Variants in GRM7 observed in about 807,000 individuals in gnomAD.
The protein encoded by GRM7 is glutamate metabotropic receptor 7.
In GRM7, 35 loss-of-function variants were observed where a neutral mutation model predicts 84.5. That is an observed-to-expected ratio of 0.41 (90% CI 0.32 to 0.55). GRM7 has a LOEUF of 0.55. Ranked by LOEUF, GRM7 falls within the 20% of genes least tolerant of loss-of-function variation. The probability of loss-of-function intolerance (pLI) is 0.19; values close to 1 mark genes in which losing one functional copy is unlikely to be tolerated. For synonymous variants in GRM7, 487 were observed against 455.1 expected, an observed-to-expected ratio of 1.07 and a Z score of -0.89; for missense variants, 1,003 against 1,194.6, an observed-to-expected ratio of 0.84 and a Z score of 2.36.
In GRM7 at chr3:7,729,792, G is replaced by A. The variant is rs543079707; in HGVS notation, c.2699-10565G>A. On this transcript the variant is annotated intron_variant, in intron 9 of 9. Transcript: ENST00000357716. ...GCAATCTCGGCTCACTGCAACCTCC[G>A]CCTCCTGGGTTCAAGGGATTCTCCT... Among the ~76,000 whole-genome samples the A allele has an allele frequency of 7.3e-4, 110 of 150,706 alleles. 1 individual carries two copies. Among genetic ancestry groups the A allele is most frequent in the Middle Eastern group, 3.5e-3 (1 of 286 alleles).
At chr3:7,099,039 T>C (rs112279764) in intron 1 of GRM7, among the ~76,000 whole-genome samples, 8 of 151,828 alleles carry the variant, frequency 5.3e-5, no homozygotes, top group African/African-American at 1.9e-4. Context: ...CTAAGTTCCT[T>C]AAAGCCAAGA....
chr3:6,954,670 T>C (rs1180609702), intron 1 of GRM7, among the ~76,000 whole-genome samples: 1 of 152,242 alleles, frequency 6.6e-6, no homozygotes, highest in Non-Finnish European at 1.5e-5. Flanking sequence ...CCAGGTCTAT[T>C]ACTTACTATC....
intron 1 of GRM7, among the ~76,000 whole-genome samples, chr3:7,081,196 A>G (rs369338440): frequency 6.6e-6 from 1 of 152,138 alleles, no homozygotes; most frequent in East Asian, 1.9e-4. Context: ...ACTGTTTTTT[A>G]TAAATTGAAG....
intron 1 of GRM7, among the ~76,000 whole-genome samples, chr3:7,144,711 G>C (rs1374677453): frequency 6.6e-6 from 1 of 152,170 alleles, no homozygotes; most frequent in African/African-American, 2.4e-5. Context: ...AAGTGAAATA[G>C]CTTCATCAAA....
chr3:7,487,569 C>G (rs114132129), intron 7 of GRM7, among the ~76,000 whole-genome samples: 2,166 of 152,306 alleles, frequency 0.014, 26 homozygotes, highest in African/African-American at 0.035. Flanking sequence ...AGTCTTGGCT[C>G]AAGTGGTCCC....
chr3:7,213,010 G>A lies in GRM7; in HGVS notation c.736+66342G>A, dbSNP rs138237661. ...GGTCTTGTAAAACTTGGTTCGAAAT[G>A]CACAACTATTTGGAGGCCCTTTCAG... is the stretch of plus-strand genomic sequence containing the variant. On this transcript the variant is annotated intron_variant, in intron 2 of 9. Transcript: ENST00000357716. Among the ~76,000 whole-genome samples the A allele has an allele frequency of 5.5e-3, 834 of 152,230 alleles. 6 individuals carry two copies. Among genetic ancestry groups the A allele is most frequent in the African/African-American group, 0.019 (785 of 41,516 alleles).
chr3:7,181,488 G>A (rs538337884), intron 2 of GRM7, among the ~76,000 whole-genome samples: 4 of 152,092 alleles, frequency 2.6e-5, no homozygotes, highest in Non-Finnish European at 5.9e-5. Context: ...ATTAAAAATA[G>A]CAAAGAAGGC....
intron 7 of GRM7, among the ~76,000 whole-genome samples, chr3:7,547,819 A>G (rs1222942845): frequency 6.6e-6 from 1 of 152,226 alleles, no homozygotes; most frequent in African/African-American, 2.4e-5. Context: ...ATTCTCCCCT[A>G]ATCTATCATC....
intron 1 of GRM7, among the ~76,000 whole-genome samples, chr3:7,097,866 G>A (rs1251702048): frequency 6.6e-6 from 1 of 152,064 alleles, no homozygotes; most frequent in Non-Finnish European, 1.5e-5. Context: ...AACCAACAGT[G>A]TTTACATTTG....
intron 7 of GRM7, among the ~76,000 whole-genome samples, chr3:7,508,822 T>C (rs563592844): frequency 5.9e-5 from 9 of 152,204 alleles, no homozygotes; most frequent in African/African-American, 2.2e-4. Context: ...ATTTCTTGAG[T>C]TCTTGCTATG....
intron 1 of GRM7, among the ~76,000 whole-genome samples, chr3:7,072,031 C>T (rs1697900448): frequency 6.6e-6 from 1 of 152,100 alleles, no homozygotes; most frequent in Non-Finnish European, 1.5e-5. Context: ...GCAAGGAAAT[C>T]TGTCTTCCCT....
chr3:7,494,164 A>G (rs530315152), intron 7 of GRM7, among the ~76,000 whole-genome samples: 9 of 152,146 alleles, frequency 5.9e-5, no homozygotes, highest in Non-Finnish European at 1.2e-4. Context: ...TTTCAGAGAT[A>G]TACTAGCAAT....
rs748520539 is a variant in GRM7 at position 6,918,313 on chromosome 3, C to A, written c.519+56406C>A. ...TTTTTACACGAGAATTTTTGCCTAT[C>A]GCCTTGTAGGACGACATAGGGAATA... is the stretch of plus-strand genomic sequence containing the variant. On this transcript the variant is annotated intron_variant, in intron 1 of 9. Coordinates refer to ENST00000357716, the MANE Select transcript of GRM7 (RefSeq NM_000844.4). 5.9e-5 allele frequency among the ~76,000 whole-genome samples: 9 copies of A among 152,274 alleles called. 1 individual carries two copies. The highest frequency in any genetic ancestry group is 1.3e-4 in the Admixed American group (2 of 15,294).
intron 1 of GRM7, among the ~76,000 whole-genome samples, chr3:7,082,936 T>A (rs1317858223): frequency 6.6e-6 from 1 of 152,186 alleles, no homozygotes; most frequent in African/African-American, 2.4e-5. Flanking sequence ...TTGCTTCTTA[T>A]GGATGAGCAA....
chr3:6,924,737 A>G (rs1356454830), intron 1 of GRM7, among the ~76,000 whole-genome samples: 1 of 151,824 alleles, frequency 6.6e-6, no homozygotes, highest in Non-Finnish European at 1.5e-5. Flanking sequence ...ACCAGACATT[A>G]ATTAAAGAAA....
intron 4 of GRM7, among the ~76,000 whole-genome samples, chr3:7,309,291 C>A (rs565187028): frequency 2.0e-5 from 3 of 152,074 alleles, no homozygotes; most frequent in Admixed American, 2.0e-4. Flanking sequence ...AGCTTCTGAA[C>A]AAAACTATGA....
At chr3:7,101,689 C>A (rs1052835038) in intron 1 of GRM7, among the ~76,000 whole-genome samples, 11 of 149,832 alleles carry the variant, frequency 7.3e-5, no homozygotes, top group Admixed American at 4.0e-4. Context: ...GTTTTCATGG[C>A]CTTTGACTAA....
chr3:7,059,169 A>G lies in GRM7; in HGVS notation c.520-87283A>G, dbSNP rs186663849. On this transcript the variant is annotated intron_variant, in intron 1 of 9. Coordinates refer to ENST00000357716, the MANE Select transcript of GRM7 (RefSeq NM_000844.4). ...GGATCCCCTACTTTACATTTTACATATATATATATGTATTACACATATATG... is the reference window on the plus strand; with the variant it reads ...GGATCCCCTACTTTACATTTTACATGTATATATATGTATTACACATATATG... Among the ~76,000 whole-genome samples, 21 of 151,772 alleles carry G rather than the reference A, an allele frequency of 1.4e-4. No homozygotes were observed. In the East Asian group the frequency reaches 3.9e-3, roughly 28 times the overall value.
intron 1 of GRM7, among the ~76,000 whole-genome samples, chr3:6,908,606 G>A (rs543416479): frequency 6.6e-6 from 1 of 152,258 alleles, no homozygotes; most frequent in African/African-American, 2.4e-5. Flanking sequence ...CACTCTGACT[G>A]CTAAAATTCA....
Sources: allele counts gnomAD v4.1 joint callset (sites outside exome capture counted in the v4.1 genomes callset), GRCh38; gene constraint gnomAD v4.1.1; transcripts MANE v1.5; gene names NCBI Gene and HGNC (gene_info 2026-07-23, HGNC 2026-07-21).